Variants in ELAPOR2 observed in about 807,000 individuals in gnomAD.
The protein encoded by ELAPOR2 is endosome-lysosome associated apoptosis and autophagy regulator family member 2.
In ELAPOR2, 89 loss-of-function variants were observed where a neutral mutation model predicts 120.7. That is an observed-to-expected ratio of 0.74 (90% CI 0.62 to 0.88). The LOEUF (loss-of-function observed/expected upper bound fraction) is 0.88, where lower values mean the gene tolerates loss of function less well. Ranked by LOEUF, ELAPOR2 falls within the 40% of genes least tolerant of loss-of-function variation. ELAPOR2 has a pLI of 0.00. For missense variants in ELAPOR2, 1,134 were observed against 1,251.6 expected (o/e 0.91, Z 1.42); for synonymous variants, 444 against 444.9 (o/e 1.00, Z 0.03).
intron 1 of ELAPOR2, among the ~76,000 whole-genome samples, chr7:86,993,458 C>T (rs1254904207): frequency 6.6e-6 from 1 of 151,906 alleles, no homozygotes; most frequent in African/African-American, 2.4e-5. Flanking sequence ...CAATACAATA[C>T]AATACCATTA....
chr7:86,979,660 G>C (rs975104654), intron 1 of ELAPOR2, among the ~76,000 whole-genome samples: 1 of 152,308 alleles, frequency 6.6e-6, no homozygotes, highest in Non-Finnish European at 1.5e-5. Context: ...ACAGGGTATA[G>C]AGTAATAAAA....
intron 1 of ELAPOR2, among the ~76,000 whole-genome samples, chr7:87,013,111 T>C (rs932310111): frequency 6.6e-6 from 1 of 152,114 alleles, no homozygotes; most frequent in Non-Finnish European, 1.5e-5. Context: ...TCTTACAAAA[T>C]GAAGATAATA....
intron 18 of ELAPOR2, among the ~76,000 whole-genome samples, chr7:86,902,180 G>A (rs879877036): frequency 2.6e-4 from 40 of 151,840 alleles, no homozygotes; most frequent in Admixed American, 2.5e-3. Context: ...TTGTTTGTTT[G>A]TTTGTTTTGT....
intron 2 of ELAPOR2, among the ~76,000 whole-genome samples, chr7:86,951,110 T>C (rs1015344776): frequency 2.0e-5 from 3 of 152,180 alleles, no homozygotes; most frequent in African/African-American, 7.2e-5. Flanking sequence ...AACTACAACC[T>C]GCAGGGGAAA....
intron 1 of ELAPOR2, among the ~76,000 whole-genome samples, chr7:87,035,903 A>G (rs1794572711): frequency 2.0e-5 from 3 of 152,224 alleles, no homozygotes; most frequent in Non-Finnish European, 4.4e-5. Context: ...TCTGTTTTCC[A>G]ACTCATTAGG....
At chr7:86,918,183 C>T (rs1479737015) in intron 12 of ELAPOR2, among the ~76,000 whole-genome samples, 1 of 151,596 alleles carries the variant, frequency 6.6e-6, no homozygotes, top group Non-Finnish European at 1.5e-5. Context: ...ATTAATATTC[C>T]CTGGCCTCTA....
In ELAPOR2 at chr7:86,938,940, A is replaced by G; in HGVS notation, c.868T>C (p.Cys290Arg). The G allele has an allele frequency of 6.2e-7, 1 of 1,613,150 alleles. No individual in the cohort carries two copies. Among genetic ancestry groups the G allele is most frequent in the East Asian group, 2.2e-5 (1 of 44,858 alleles). The change falls in exon 7 of 22, where the codon TGT (cysteine) becomes CGT (arginine). Residue 290 changes from cysteine (C) to arginine (R), a missense_variant. Cys to Arg is a radical substitution (Grantham distance 180). Transcript: ENST00000450689. ...AATGTGCCTGGCTTGCAAGGAAAAC[A>G]TTCTGATGTGTACGCCACCCCTGTG... ...TIEGVAYTSE[C>R]FPCKPGTFSN... is the part of the protein sequence containing the mutation.
At chr7:86,937,389 T>C (rs988764378) in intron 8 of ELAPOR2, among the ~76,000 whole-genome samples, 3 of 152,078 alleles carry the variant, frequency 2.0e-5, no homozygotes, top group Non-Finnish European at 4.4e-5. Context: ...AGAAAATAAA[T>C]GTCATTATTT....
At chr7:86,969,252 C>T (rs1792023053) in intron 1 of ELAPOR2, among the ~76,000 whole-genome samples, 1 of 152,074 alleles carries the variant, frequency 6.6e-6, no homozygotes, top group South Asian at 2.1e-4. Flanking sequence ...CCCCCTCAAA[C>T]ACCAAAGTCA....
At chr7:86,973,464 G>T (rs1220181618) in intron 1 of ELAPOR2, among the ~76,000 whole-genome samples, 1 of 151,992 alleles carries the variant, frequency 6.6e-6, no homozygotes, top group African/African-American at 2.4e-5. Context: ...TGTGTAACAG[G>T]TTCTCTTTCA....
At chr7:86,961,484 C>T (rs1226302517) in intron 2 of ELAPOR2, among the ~76,000 whole-genome samples, 2 of 152,210 alleles carry the variant, frequency 1.3e-5, no homozygotes, top group African/African-American at 4.8e-5. Flanking sequence ...GGAACTCTCT[C>T]CCTACTTATA....
chr7:86,969,064 C>G (rs547148599), intron 1 of ELAPOR2, among the ~76,000 whole-genome samples: 1 of 152,246 alleles, frequency 6.6e-6, no homozygotes, highest in African/African-American at 2.4e-5. Context: ...GGAAAAATTA[C>G]CCTTCCATAT....
intron 1 of ELAPOR2, among the ~76,000 whole-genome samples, chr7:87,026,178 G>C (rs1328100691): frequency 6.6e-6 from 1 of 152,006 alleles, no homozygotes; most frequent in East Asian, 1.9e-4. Context: ...TGATTTCATG[G>C]GTGCAGAGGA....
intron 1 of ELAPOR2, among the ~76,000 whole-genome samples, chr7:86,968,044 T>C (rs1315391173): frequency 2.0e-5 from 3 of 152,178 alleles, no homozygotes; most frequent in African/African-American, 7.2e-5. Context: ...AAAAAAAATC[T>C]GCTTCTAAAG....
At chr7:87,052,887 C>A (rs1795155502) in intron 1 of ELAPOR2, among the ~76,000 whole-genome samples, 3 of 152,234 alleles carry the variant, frequency 2.0e-5, no homozygotes, top group Admixed American at 2.0e-4. Context: ...GCCTCAACCT[C>A]CCAGGTTCAA....
intron 18 of ELAPOR2, among the ~76,000 whole-genome samples, chr7:86,898,783 G>A (rs1788570689): frequency 6.6e-6 from 1 of 152,110 alleles, no homozygotes; most frequent in Non-Finnish European, 1.5e-5. Context: ...TGGGCATATG[G>A]AGAGAAACTA....
intron 1 of ELAPOR2, among the ~76,000 whole-genome samples, chr7:87,036,778 A>G (rs1022064461): frequency 2.6e-5 from 4 of 152,202 alleles, no homozygotes; most frequent in African/African-American, 4.8e-5. Flanking sequence ...ACTACAGACT[A>G]TTAGAAAGGA....
chr7:87,052,007 A>C (rs1795115885), intron 1 of ELAPOR2, among the ~76,000 whole-genome samples: 1 of 152,228 alleles, frequency 6.6e-6, no homozygotes, highest in African/African-American at 2.4e-5. Context: ...CATGGTAATG[A>C]GAGAATCTCA....
intron 1 of ELAPOR2, among the ~76,000 whole-genome samples, chr7:87,014,387 CTATT>C (rs1793798898): frequency 6.6e-6 from 1 of 152,062 alleles, no homozygotes. Flanking sequence ...TAAGAATTAA[CTATT>C]TATGGTAAAA....
Sources: gnomAD v4.1 joint callset for allele counts (sites outside exome capture counted in the v4.1 genomes callset) on GRCh38, gnomAD v4.1.1 for gene constraint, MANE v1.5 for transcripts, NCBI Gene and HGNC (gene_info 2026-07-23, HGNC 2026-07-21) for gene names.